TAF4: variants seen among roughly 807,000 people sequenced by gnomAD.
The protein encoded by TAF4 is TATA-box binding protein associated factor 4, also known as transcription initiation factor TFIID subunit 4.
In TAF4, 9 loss-of-function variants were observed where a neutral mutation model predicts 90.3. That is an observed-to-expected ratio of 0.10 (90% CI 0.06 to 0.17). The LOEUF (loss-of-function observed/expected upper bound fraction) is 0.17, where lower values mean the gene tolerates loss of function less well. Among genes scored for constraint, TAF4 ranks in the 10% least tolerant of loss-of-function variants. TAF4 has a pLI of 1.00. For synonymous variants in TAF4, 818 were observed against 638.9 expected, an observed-to-expected ratio of 1.28 and a Z score of -4.23; for missense variants, 1,351 against 1,370.7, an observed-to-expected ratio of 0.99 and a Z score of 0.23.
chr20:62,012,705 A>T, intron 3 of TAF4, 110 bp downstream of exon 3: 1 of 1,342,574 alleles, frequency 7.4e-7, no homozygotes. Context: ...GATTTGACGT[A>T]GTATCCAGTT....
rs543209077 is a variant in TAF4, at chr20:61,992,773, A to G, written c.3090+4777T>C. On this transcript the variant is annotated intron_variant, in intron 14 of 14. Coordinates refer to ENST00000252996, the MANE Select transcript of TAF4 (RefSeq NM_003185.4). The stretch of plus-strand genomic sequence containing the variant: ...TCTGAAACAGGAAAGGTGTAAGGTG[A>G]GCCTGACACATGTTAACGTCCAGAC... Among the ~76,000 whole-genome samples the G allele has an allele frequency of 3.7e-4, 57 of 152,300 alleles. 1 individual carries two copies. Among genetic ancestry groups the G allele is most frequent in the African/African-American group, 1.3e-3 (56 of 41,572 alleles).
At position 62,006,809 on chromosome 20, in the gene TAF4, T is replaced by C; in HGVS notation, c.1975-51A>G. ...GTCAGGCGGCTGCTCATGCGTCGGTTTTCCTTGCTTAAAAATTCAGAAATA... is the reference window on the plus strand; with the variant it reads ...GTCAGGCGGCTGCTCATGCGTCGGTCTTCCTTGCTTAAAAATTCAGAAATA... On this transcript the variant is annotated intron_variant, in intron 6 of 14. Transcript: ENST00000252996. This position sits in a 1 kb window ranked among gnomAD's most constrained non-coding sequence, Gnocchi z 7.0. The C allele has an allele frequency of 7.1e-7, 1 of 1,415,276 alleles. No homozygotes were observed. The highest frequency in any genetic ancestry group is 9.3e-7 in the Non-Finnish European group (1 of 1,074,084). 87.7% of individuals were successfully genotyped at this position (1,415,276 alleles called of 1,614,324 possible).
At chr20:61,978,846 A>G (rs956450766) in intron 14 of TAF4, 2 of 153,650 alleles carry the variant, frequency 1.3e-5, no homozygotes, top group African/African-American at 2.4e-5. Context: ...AATGAACAAT[A>G]TAACTTCTCC....
intron 1 of TAF4, 112 bp downstream of exon 1, chr20:62,064,339 A>T: frequency 8.4e-7 from 1 of 1,196,590 alleles, no homozygotes; most frequent in Non-Finnish European, 1.1e-6. Flanking sequence ...TGCTCCAGCC[A>T]CGGGCCTACG....
chr20:62,024,635 G>A (rs913464617), intron 1 of TAF4, among the ~76,000 whole-genome samples: 3 of 152,186 alleles, frequency 2.0e-5, no homozygotes, highest in Non-Finnish European at 4.4e-5. Context: ...TTGGGAGGCC[G>A]AGGAGGACAG....
At chr20:61,998,109 C>T (rs372000436) in intron 13 of TAF4, 27 bp downstream of exon 13, 79 of 1,612,008 alleles carry the variant, frequency 4.9e-5, no homozygotes, top group Non-Finnish European at 6.3e-5. Flanking sequence ...AAAGTGCCCA[C>T]GAGCACTCAC....
Position 62,065,100 on chromosome 20 carries a change from G to A in TAF4, c.711C>T (p.Val237=). The change falls in exon 1 of 15, where the codon GTC becomes GTT. Residue 237 remains valine, a synonymous_variant. Transcript: ENST00000252996. ...CGCCCACGAAGGGGGGCGTCTGGAT[G>A]ACAGTGCCGGGGGCGGCGGGCTTGG... ...PLPKPAAPGT[V]IQTPPFVGAA... is the part of the protein sequence containing the mutation. The A allele has an allele frequency of 4.7e-6, 5 of 1,064,110 alleles. No individual in the cohort carries two copies. Among genetic ancestry groups the A allele is most frequent in the Non-Finnish European group, 5.7e-6 (5 of 872,768 alleles). 65.9% of individuals were successfully genotyped at this position (1,064,110 alleles called of 1,614,324 possible).
intron 14 of TAF4, among the ~76,000 whole-genome samples, chr20:61,989,306 G>GAGCTCCA (rs60932336): frequency 0.69 from 105,012 of 151,492 alleles, 36,609 homozygotes; most frequent in Middle Eastern, 0.8. Context: ...AGAGGAACCA[G>GAGCTCCA]GGGAAGCTGC....
In TAF4 at chr20:62,064,560, C is replaced by G; in HGVS notation, c.1251G>C (p.Thr417=). The change falls in exon 1 of 15, where the codon ACG becomes ACC. Residue 417 remains threonine (T), a synonymous_variant. Coordinates refer to ENST00000252996, the MANE Select transcript of TAF4 (RefSeq NM_003185.4). ...AVTQSLSRTP[T]ATTSGIRATL... is the part of the protein sequence containing the mutation. ...TGGCCCGAATCCCGCTGGTGGTGGC[C>G]GTGGGCGTCCGGGACAGGCTCTGGG... is the stretch of plus-strand genomic sequence containing the variant. 6.6e-7 allele frequency: 1 copy of G among 1,516,654 alleles called. No individual in the cohort carries two copies. Among genetic ancestry groups the G allele is most frequent in the Non-Finnish European group, 8.8e-7 (1 of 1,137,492 alleles). The allele number at this position is 1,516,654 out of a possible 1,614,324, so 93.9% of individuals were successfully genotyped here.
At chr20:61,981,271 A>T (rs572541257) in intron 14 of TAF4, 1 of 152,304 alleles carries the variant, frequency 6.6e-6, no homozygotes, top group South Asian at 2.1e-4. Context: ...AAAGTCAGAG[A>T]AGAGTCAAAA....
chr20:61,987,413 C>T (rs1342257515), intron 14 of TAF4, among the ~76,000 whole-genome samples: 1 of 152,232 alleles, frequency 6.6e-6, no homozygotes, highest in Non-Finnish European at 1.5e-5. Context: ...GCAAAAGACA[C>T]ATCTGATAAT....
At chr20:62,023,439 C>G (rs11906920) in intron 1 of TAF4, among the ~76,000 whole-genome samples, 3,197 of 151,122 alleles carry the variant, frequency 0.021, 43 homozygotes, top group Middle Eastern at 0.056. Flanking sequence ...TCAAACCAAA[C>G]AAACCAGAAA....
At chr20:62,055,939 G>A (rs193030188) in intron 1 of TAF4, among the ~76,000 whole-genome samples, 6 of 152,278 alleles carry the variant, frequency 3.9e-5, no homozygotes, top group East Asian at 3.9e-4. Context: ...ACACACCCTC[G>A]GAATGTGCTC....
At chr20:62,019,908 C>T (rs1356861507) in intron 1 of TAF4, among the ~76,000 whole-genome samples, 1 of 152,226 alleles carries the variant, frequency 6.6e-6, no homozygotes, top group African/African-American at 2.4e-5. Context: ...GGGGAAATGC[C>T]TTTGCCGGGT....
At chr20:62,059,143 T>C (rs1257892285) in intron 1 of TAF4, among the ~76,000 whole-genome samples, 1 of 152,152 alleles carries the variant, frequency 6.6e-6, no homozygotes, top group Non-Finnish European at 1.5e-5. Flanking sequence ...TGGGAGAAGC[T>C]GGGGGCACTT....
At chr20:62,054,800 C>T (rs774748406) in intron 1 of TAF4, among the ~76,000 whole-genome samples, 1 of 152,132 alleles carries the variant, frequency 6.6e-6, no homozygotes, top group Non-Finnish European at 1.5e-5. Flanking sequence ...CTCATAACAC[C>T]GTCATGGCCA....
At chr20:61,979,639 G>A (rs1158248763) in intron 14 of TAF4, among the ~76,000 whole-genome samples, 2 of 146,968 alleles carry the variant, frequency 1.4e-5, no homozygotes, top group African/African-American at 5.1e-5. Flanking sequence ...GAGGGACTGC[G>A]GCCCGTGCAG....
intron 14 of TAF4, among the ~76,000 whole-genome samples, chr20:61,982,508 A>C (rs1402057164): frequency 1.7e-5 from 2 of 116,474 alleles, no homozygotes; most frequent in African/African-American, 6.6e-5. Flanking sequence ...CCCACCTGAG[A>C]AGAAACACCA....
intron 14 of TAF4, among the ~76,000 whole-genome samples, chr20:61,988,634 T>C (rs1177336381): frequency 6.6e-6 from 1 of 152,256 alleles, no homozygotes; most frequent in Admixed American, 6.5e-5. Flanking sequence ...TGAAGGACTT[T>C]TACTTTCTGG....
Sources: allele counts gnomAD v4.1 joint callset (sites outside exome capture counted in the v4.1 genomes callset), GRCh38; gene constraint gnomAD v4.1.1; non-coding constraint Gnocchi (gnomAD v3.1); transcripts MANE v1.5; gene names NCBI Gene and HGNC (gene_info 2026-07-23, HGNC 2026-07-21).